The following FBLN1 variants were observed in gnomAD, a reference collection of about 807,000 sequenced individuals.
FBLN1 encodes the protein fibulin 1.
FBLN1 carries 34 observed loss-of-function variants against 89.7 expected under a neutral mutation model. The observed-to-expected ratio is 0.38, with a 90% CI of 0.29 to 0.50. The LOEUF is 0.50. Among genes scored for constraint, FBLN1 ranks in the 20% least tolerant of loss-of-function variants. FBLN1 has a pLI of 0.92. For synonymous variants in FBLN1, 393 were observed against 391.3 expected (o/e 1.00, Z -0.05); for missense variants, 777 against 988.1 (o/e 0.79, Z 2.86).
intron 3 of FBLN1, 126 bp downstream of exon 3, chr22:45,525,804 T>C (rs2088319331): frequency 3.2e-6 from 4 of 1,253,804 alleles, no homozygotes; most frequent in Admixed American, 4.0e-5. Flanking sequence ...TGTGAGCAGC[T>C]GGGGGTTCCT....
intron 16 of FBLN1, among the ~76,000 whole-genome samples, chr22:45,596,188 C>T (rs1052797925): frequency 2.0e-5 from 3 of 152,178 alleles, no homozygotes; most frequent in African/African-American, 7.2e-5. Flanking sequence ...TGTTTTTAAT[C>T]CCTGTTCATA....
At position 45,572,013 on chromosome 22, in the gene FBLN1, C is replaced by T. The variant is rs2147024175; in HGVS notation, c.1698-2498C>T. ...TCGTGGTGGTGCCCGCCTGTAATCCCAGCTACTCAGGAGGCTGAGGCAGGA... is the reference window on the plus strand; with the variant it reads ...TCGTGGTGGTGCCCGCCTGTAATCCTAGCTACTCAGGAGGCTGAGGCAGGA... On this transcript the variant is annotated intron_variant, in intron 14 of 16. Transcript: ENST00000327858. The surrounding 1 kb of genome is among the most constrained non-coding windows in gnomAD (Gnocchi z 5.8). 6.6e-6 allele frequency among the ~76,000 whole-genome samples: 1 copy of T among 152,206 alleles called. No individual in the cohort carries two copies. The highest frequency in any genetic ancestry group is 2.1e-4 in the South Asian group (1 of 4,808).
In FBLN1 at chr22:45,536,679, C is replaced by T. The variant is rs775828338; in HGVS notation, c.922+1342C>T. On this transcript the variant is annotated intron_variant, in intron 8 of 16. Transcript: ENST00000327858. This position sits in a 1 kb window ranked among gnomAD's most constrained non-coding sequence, Gnocchi z 5.1. ...GCTTAGGAGGCTGAGGCAGCAGAAT[C>T]GCTTGAGCCTGGGAGGCAGAGGTTG... Among the ~76,000 whole-genome samples, 1 of 151,858 alleles carries T rather than the reference C, an allele frequency of 6.6e-6. No individual in the cohort carries two copies. Among genetic ancestry groups the T allele is most frequent in the Non-Finnish European group, 1.5e-5 (1 of 67,980 alleles).
At chr22:45,508,284 A>ATTTTTTTTTTTTTTTTTTTTTTTTTTT (rs1273382952) in intron 1 of FBLN1, among the ~76,000 whole-genome samples, 1 of 65,432 alleles carries the variant, frequency 1.5e-5, no homozygotes, top group African/African-American at 5.4e-5. Context: ...AGCCTCGCGT[A>ATTTTTTTTTTTTTTTTTTTTTTTTTTT]TCTTTTTTTT....
At chr22:45,546,621 C>CAGT (rs573217809) in intron 11 of FBLN1, among the ~76,000 whole-genome samples, 57 of 152,310 alleles carry the variant, frequency 3.7e-4, no homozygotes, top group African/African-American at 1.3e-3. Flanking sequence ...GACAGTTGAG[C>CAGT]AGTAGTTCAG....
intron 2 of FBLN1, among the ~76,000 whole-genome samples, chr22:45,523,506 C>T (rs541371015): frequency 8.5e-5 from 13 of 152,178 alleles, no homozygotes; most frequent in African/African-American, 3.1e-4. Flanking sequence ...CGTTTGAGAC[C>T]ATCCTGGCCA....
intron 9 of FBLN1, among the ~76,000 whole-genome samples, chr22:45,541,743 A>G (rs955464950): frequency 3.9e-5 from 6 of 152,160 alleles, no homozygotes; most frequent in African/African-American, 1.4e-4. Flanking sequence ...CTCCCCACAC[A>G]AGCACTGTCC....
intron 8 of FBLN1, 151 bp downstream of exon 8, chr22:45,535,488 C>T: frequency 1.2e-6 from 1 of 851,614 alleles, no homozygotes; most frequent in Non-Finnish European, 1.9e-6. Context: ...GCAAATAGAG[C>T]AAATACTTTA....
rs1342149618 is a variant in FBLN1, at chr22:45,576,898, G to A, written c.1841-79G>A. On this transcript the variant is annotated intron_variant, in intron 15 of 16. Transcript: ENST00000327858. The surrounding 1 kb of genome is among the most constrained non-coding windows in gnomAD (Gnocchi z 5.2). ...TGGGTTAGGTCTTCATTCCCCAAGG[G>A]TGAGTTCCTGGGGACGAGGCTGGGA... is the stretch of plus-strand genomic sequence containing the variant. 3 of 1,561,170 alleles carry A rather than the reference G, an allele frequency of 1.9e-6. No homozygotes were observed. Among genetic ancestry groups the A allele is most frequent in the East Asian group, 2.2e-5 (1 of 44,562 alleles).
intron 16 of FBLN1, among the ~76,000 whole-genome samples, chr22:45,599,488 G>A (rs1011549136): frequency 1.3e-5 from 2 of 152,150 alleles, no homozygotes; most frequent in Admixed American, 1.3e-4. Flanking sequence ...GCAGTCCTCA[G>A]ATGTTCTGGG....
Position 45,580,975 on chromosome 22 carries a change from G to A in FBLN1, c.1972+3867G>A, listed in dbSNP as rs377647775. On this transcript the variant is annotated intron_variant, in intron 16 of 16. Transcript: ENST00000327858. This position sits in a 1 kb window ranked among gnomAD's most constrained non-coding sequence, Gnocchi z 8.6. Reference sequence around the variant, plus strand: ...GCTGTCAAAGAAAAATGAAGAATGCGTTTTCGCCCTGTGCAAAAATGCTCC... The same window carrying A: ...GCTGTCAAAGAAAAATGAAGAATGCATTTTCGCCCTGTGCAAAAATGCTCC... 1.5e-3 allele frequency among the ~76,000 whole-genome samples: 223 copies of A among 152,328 alleles called. No homozygotes were observed. Among genetic ancestry groups the A allele is most frequent in the Non-Finnish European group, 2.6e-3 (177 of 68,022 alleles).
At position 45,549,088 on chromosome 22, in the gene FBLN1, T is replaced by C. The variant is rs1282808431; in HGVS notation, c.1573+344T>C. On this transcript the variant is annotated intron_variant, in intron 13 of 16. Coordinates refer to ENST00000327858, the MANE Select transcript of FBLN1 (RefSeq NM_006486.3). The surrounding 1 kb of genome is among the most constrained non-coding windows in gnomAD (Gnocchi z 5.7). ...AAGATGCCCGCCAGGGAGGAAGCAG[T>C]CCAGGCCAGGGGATGGCGTGGCCTG... 6.6e-6 allele frequency among the ~76,000 whole-genome samples: 1 copy of C among 152,130 alleles called. No homozygotes were observed. Among genetic ancestry groups the C allele is most frequent in the Non-Finnish European group, 1.5e-5 (1 of 68,014 alleles).
At chr22:45,591,673 A>C (rs1267784759) in intron 16 of FBLN1, among the ~76,000 whole-genome samples, 1 of 152,184 alleles carries the variant, frequency 6.6e-6, no homozygotes, top group Non-Finnish European at 1.5e-5. Flanking sequence ...TCGGGAGCTC[A>C]GTCCCTTCAA....
intron 1 of FBLN1, among the ~76,000 whole-genome samples, chr22:45,503,914 C>T (rs1221403581): frequency 6.6e-6 from 1 of 152,150 alleles, no homozygotes; most frequent in African/African-American, 2.4e-5. Flanking sequence ...GGCCTGGTCC[C>T]TGGGGGGACT....
chr22:45,592,814 T>G (rs1281057240), intron 16 of FBLN1, among the ~76,000 whole-genome samples: 1 of 152,102 alleles, frequency 6.6e-6, no homozygotes, highest in Non-Finnish European at 1.5e-5. Context: ...CCTCTCTGTT[T>G]CAGCACCTTG....
chr22:45,598,040 G>T (rs913955656), intron 16 of FBLN1, among the ~76,000 whole-genome samples: 5 of 152,162 alleles, frequency 3.3e-5, no homozygotes, highest in African/African-American at 1.2e-4. Flanking sequence ...GTGGAGATAG[G>T]CTGTCACCGT....
At position 45,542,270 on chromosome 22, in the gene FBLN1, C is replaced by G. The variant is rs981446754; in HGVS notation, c.1182C>G (p.Ser394Arg). Reference protein sequence around the residue: ...CKTGYYFDGISRMCVDVNECQ... With the variant: ...CKTGYYFDGIRRMCVDVNECQ... ...CGGGTTACTATTTTGACGGCATCAG[C>G]AGGATGTGTGTCGGTGCGTGGGGGG... Residue 394 changes from serine to arginine, a missense_variant, in exon 10 of 17, where the codon AGC (serine) becomes AGG (arginine). By Grantham distance (110) the Ser-to-Arg change is moderately radical (BLOSUM62 -1). Coordinates refer to ENST00000327858, the MANE Select transcript of FBLN1 (RefSeq NM_006486.3). The G allele has an allele frequency of 1.2e-6, 2 of 1,613,982 alleles. No homozygotes were observed. The highest frequency in any genetic ancestry group is 8.5e-7 in the Non-Finnish European group (1 of 1,180,048).
intron 1 of FBLN1, among the ~76,000 whole-genome samples, chr22:45,509,527 G>A (rs1256560680): frequency 2.0e-5 from 3 of 151,966 alleles, no homozygotes; most frequent in African/African-American, 4.9e-5. Context: ...AGGCCAGGTG[G>A]TCTTGAAGAG....
intron 11 of FBLN1, among the ~76,000 whole-genome samples, chr22:45,544,907 G>T (rs2088606880): frequency 6.6e-6 from 1 of 152,220 alleles, no homozygotes; most frequent in African/African-American, 2.4e-5. Context: ...ATACGGATTA[G>T]GTTCTGAGCT....
Sources: gnomAD v4.1 joint callset for allele counts (sites outside exome capture counted in the v4.1 genomes callset) on GRCh38, gnomAD v4.1.1 for gene constraint, Gnocchi (gnomAD v3.1) non-coding constraint, MANE v1.5 for transcripts, NCBI Gene and HGNC (gene_info 2026-07-23, HGNC 2026-07-21) for gene names.